Variants in NSRP1 observed in about 807,000 individuals in gnomAD.
The protein encoded by NSRP1 is nuclear speckle splicing regulatory protein 1.
NSRP1 carries 24 observed loss-of-function variants against 54.7 expected under a neutral mutation model. The observed-to-expected ratio is 0.44, with a 90% CI of 0.32 to 0.62. NSRP1 has a LOEUF of 0.62. NSRP1 is among the 20% of genes least tolerant of loss of function. The pLI, the probability that NSRP1 is intolerant of heterozygous loss-of-function variation, is 0.06. For missense variants in NSRP1, 596 were observed against 651.2 expected, an observed-to-expected ratio of 0.92 and a Z score of 0.92; for synonymous variants, 210 against 213.8, an observed-to-expected ratio of 0.98 and a Z score of 0.15.
At chr17:30,117,830 T>G (rs2071556407) in intron 1 of NSRP1, 1 of 365,722 alleles carries the variant, frequency 2.7e-6, no homozygotes, top group Non-Finnish European at 4.9e-6. Flanking sequence ...TTTCATTTAC[T>G]TCTCTTCTTT....
intron 3 of NSRP1, among the ~76,000 whole-genome samples, chr17:30,175,076 AT>A (rs1346394047): frequency 6.6e-6 from 1 of 152,186 alleles, no homozygotes; most frequent in African/African-American, 2.4e-5. Context: ...GTCCTGACAG[AT>A]CAGTGTGTTC....
intron 2 of NSRP1, among the ~76,000 whole-genome samples, chr17:30,124,032 T>C (rs940168354): frequency 2.0e-5 from 3 of 152,014 alleles, no homozygotes; most frequent in African/African-American, 7.2e-5. Flanking sequence ...TCATGCACTT[T>C]CGGAGGCTGA....
intron 2 of NSRP1, among the ~76,000 whole-genome samples, chr17:30,144,993 G>A (rs1176347088): frequency 6.6e-6 from 1 of 152,042 alleles, no homozygotes; most frequent in African/African-American, 2.4e-5. Context: ...TTTGTTTTGA[G>A]TACATATGAT....
In NSRP1 at chr17:30,138,909, G is replaced by GTTTTTTT. The variant is rs964449971; in HGVS notation, c.114+20756_114+20762dup. ...ATGAAGTGGTATCTCAAGTCTTAGCGTTTTTTTTTTTTTTTTTTTTTTTTT... is the reference window on the plus strand; with the variant it reads ...ATGAAGTGGTATCTCAAGTCTTAGCGTTTTTTTTTTTTTTTTTTTTTTTTTTTTTTTT... On this transcript the variant is annotated intron_variant, in intron 2 of 6. Coordinates refer to ENST00000247026, the MANE Select transcript of NSRP1 (RefSeq NM_032141.4). Among the ~76,000 whole-genome samples the GTTTTTTT allele has an allele frequency of 6.9e-5, 4 of 58,140 alleles. 1 individual carries two copies. The highest frequency in any genetic ancestry group is 1.3e-4 in the Non-Finnish European group (4 of 31,400). The allele number at this position is 58,140 out of a possible 152,430, so 38.1% of individuals were successfully genotyped here.
At chr17:30,148,696 C>T (rs1362553753) in intron 2 of NSRP1, among the ~76,000 whole-genome samples, 1 of 152,198 alleles carries the variant, frequency 6.6e-6, no homozygotes, top group Non-Finnish European at 1.5e-5. Flanking sequence ...AGGACTATTG[C>T]TTCCTGGCTT....
Position 30,138,920 on chromosome 17 carries a change from T to G in NSRP1, c.114+20747T>G, listed in dbSNP as rs534226684. ...TCTCAAGTCTTAGCGTTTTTTTTTT[T>G]TTTTTTTTTTTTTTTGAGATGGAGT... is the stretch of plus-strand genomic sequence containing the variant. On this transcript the variant is annotated intron_variant, in intron 2 of 6. Coordinates refer to ENST00000247026, the MANE Select transcript of NSRP1 (RefSeq NM_032141.4). Among the ~76,000 whole-genome samples the G allele has an allele frequency of 3.4e-4, 45 of 133,448 alleles. 1 individual carries two copies. The highest frequency in any genetic ancestry group is 9.1e-4 in the Admixed American group (12 of 13,130). 87.5% of individuals were successfully genotyped at this position (133,448 alleles called of 152,430 possible). A position where few individuals can be genotyped will look rare whatever the true frequency, so the allele number is the denominator to read the frequency against.
intron 2 of NSRP1, among the ~76,000 whole-genome samples, chr17:30,144,297 A>G (rs1011261649): frequency 2.7e-5 from 4 of 147,134 alleles, no homozygotes; most frequent in African/African-American, 7.5e-5. Context: ...GTCTCACTCT[A>G]TTGCTTAGGC....
At chr17:30,171,360 C>T (rs946830562) in intron 2 of NSRP1, among the ~76,000 whole-genome samples, 5 of 142,856 alleles carry the variant, frequency 3.5e-5, no homozygotes, top group African/African-American at 7.9e-5. Context: ...GGCTGGAGTG[C>T]AGTGGCACAA....
chr17:30,169,402 T>C (rs73987752), intron 2 of NSRP1, among the ~76,000 whole-genome samples: 5,016 of 152,178 alleles, frequency 0.033, 247 homozygotes, highest in African/African-American at 0.11. Context: ...ATCCAGCATT[T>C]GGAGATGTAA....
At chr17:30,141,286 G>GT (rs1320394669) in intron 2 of NSRP1, among the ~76,000 whole-genome samples, 1 of 151,698 alleles carries the variant, frequency 6.6e-6, no homozygotes, top group Admixed American at 6.6e-5. Flanking sequence ...TTCTTCTTCA[G>GT]TGCTGCATTG....
At chr17:30,122,774 T>C (rs879462744) in intron 2 of NSRP1, 3 of 151,890 alleles carry the variant, frequency 2.0e-5, no homozygotes, top group Non-Finnish European at 4.4e-5. Flanking sequence ...CTGTCAGCAG[T>C]GTATGAGGGT....
chr17:30,121,065 G>A (rs2071592038), intron 2 of NSRP1, among the ~76,000 whole-genome samples: 1 of 152,178 alleles, frequency 6.6e-6, no homozygotes, highest in South Asian at 2.1e-4. Flanking sequence ...AGGCATTTTT[G>A]TGGAATAATG....
chr17:30,166,280 C>T (rs1258470773), intron 2 of NSRP1, among the ~76,000 whole-genome samples: 3 of 152,114 alleles, frequency 2.0e-5, no homozygotes, highest in Non-Finnish European at 2.9e-5. Context: ...AGTATAGGAA[C>T]ACTGAAGTTA....
chr17:30,181,128 T>G (rs1455732658), intron 6 of NSRP1, 112 bp downstream of exon 6: 5 of 728,964 alleles, frequency 6.9e-6, no homozygotes, highest in Non-Finnish European at 1.2e-5. Context: ...CATATTGTGT[T>G]GTCAGCCAGC....
intron 2 of NSRP1, among the ~76,000 whole-genome samples, chr17:30,161,416 T>C (rs774846756): frequency 4.6e-4 from 70 of 152,336 alleles, no homozygotes; most frequent in Non-Finnish European, 7.9e-4. Flanking sequence ...TATATACTGT[T>C]TTAATTTATG....
intron 2 of NSRP1, among the ~76,000 whole-genome samples, chr17:30,166,400 T>C (rs1904732097): frequency 6.6e-6 from 1 of 152,218 alleles, no homozygotes; most frequent in South Asian, 2.1e-4. Context: ...CTTCCCTGAT[T>C]TATGGCAAGA....
At chr17:30,116,964 T>C in intron 1 of NSRP1, 101 bp downstream of exon 1, 3 of 1,395,200 alleles carry the variant, frequency 2.2e-6, no homozygotes, top group South Asian at 2.5e-5. Flanking sequence ...GAAGGGACTG[T>C]GTCGTCAAGG....
chr17:30,149,897 C>T (rs1251860730), intron 2 of NSRP1, among the ~76,000 whole-genome samples: 3 of 151,030 alleles, frequency 2.0e-5, no homozygotes, highest in Non-Finnish European at 4.4e-5. Flanking sequence ...CAGAATTGTG[C>T]AGCCATCATC....
intron 2 of NSRP1, among the ~76,000 whole-genome samples, chr17:30,165,043 G>A (rs1158452012): frequency 2.0e-5 from 3 of 152,024 alleles, no homozygotes; most frequent in Non-Finnish European, 4.4e-5. Flanking sequence ...TTTATACTAA[G>A]CAAAATACAA....
Sources: gnomAD v4.1 joint callset for allele counts (sites outside exome capture counted in the v4.1 genomes callset) on GRCh38, gnomAD v4.1.1 for gene constraint, MANE v1.5 for transcripts, NCBI Gene and HGNC (gene_info 2026-07-23, HGNC 2026-07-21) for gene names.